NUP210L: variants seen among roughly 807,000 people sequenced by gnomAD.
NUP210L encodes the protein nuclear pore membrane glycoprotein 210-like.
In NUP210L, 74 loss-of-function variants were observed where a neutral mutation model predicts 208.5. That is an observed-to-expected ratio of 0.35 (90% CI 0.29 to 0.43). The LOEUF is 0.43. NUP210L is among the 20% of genes least tolerant of loss of function. The probability of loss-of-function intolerance (pLI) is 1.00; values close to 1 mark genes in which losing one functional copy is unlikely to be tolerated. For synonymous variants in NUP210L, 780 were observed against 816.9 expected (o/e 0.95, Z 0.77); for missense variants, 1,843 against 2,289.4 (o/e 0.81, Z 3.98).
intron 27 of NUP210L, among the ~76,000 whole-genome samples, chr1:154,032,301 A>G (rs1258681167): frequency 2.0e-5 from 3 of 152,086 alleles, no homozygotes; most frequent in African/African-American, 7.2e-5. Flanking sequence ...TAGTGATTGT[A>G]CTAATTTACA....
intron 10 of NUP210L, among the ~76,000 whole-genome samples, chr1:154,120,269 C>T (rs1310105518): frequency 6.6e-6 from 1 of 152,072 alleles, no homozygotes; most frequent in African/African-American, 2.4e-5. Context: ...TGTTTGAGTT[C>T]TTTGTAGATT....
At chr1:154,040,882 C>T (rs1000994058) in intron 27 of NUP210L, among the ~76,000 whole-genome samples, 1 of 151,696 alleles carries the variant, frequency 6.6e-6, no homozygotes, top group Non-Finnish European at 1.5e-5. Context: ...TGAGCCACCG[C>T]GCCCAGCCAG....
At chr1:154,083,121 C>G (rs1053935464) in intron 16 of NUP210L, among the ~76,000 whole-genome samples, 3 of 152,124 alleles carry the variant, frequency 2.0e-5, no homozygotes, top group Non-Finnish European at 4.4e-5. Flanking sequence ...GAAAAGCAAC[C>G]GAGCAGGTTG....
intron 13 of NUP210L, among the ~76,000 whole-genome samples, chr1:154,102,937 T>C (rs1157763714): frequency 6.6e-6 from 1 of 152,130 alleles, no homozygotes; most frequent in Non-Finnish European, 1.5e-5. Context: ...TAAAATCTGA[T>C]ATTGACCTTG....
intron 27 of NUP210L, among the ~76,000 whole-genome samples, chr1:154,038,642 G>A (rs1652696385): frequency 6.6e-6 from 1 of 152,146 alleles, no homozygotes; most frequent in Admixed American, 6.6e-5. Context: ...ACCATGCCCA[G>A]CAGACACAGG....
intron 38 of NUP210L, among the ~76,000 whole-genome samples, chr1:153,994,053 GTT>G (rs1186827233): frequency 6.7e-6 from 1 of 149,790 alleles, no homozygotes; most frequent in Non-Finnish European, 1.5e-5. Context: ...TAATTTTAAA[GTT>G]TTTTTGTAGA....
chr1:154,127,131 AAAGAAG>A (rs970982508), intron 9 of NUP210L, among the ~76,000 whole-genome samples, 174 bp downstream of exon 9: 1 of 151,604 alleles, frequency 6.6e-6, no homozygotes, highest in East Asian at 1.9e-4. Flanking sequence ...AAAAGAAGAA[AAAGAAG>A]AAGAAGAAGA....
chr1:154,078,577 G>A (rs1308672507), intron 16 of NUP210L, among the ~76,000 whole-genome samples: 1 of 148,158 alleles, frequency 6.7e-6, no homozygotes, highest in Non-Finnish European at 1.5e-5. Flanking sequence ...CCTGGGCAAC[G>A]AAGTGAGAAT....
chr1:154,068,913 CATGTATACAT>C (rs1424065714), intron 17 of NUP210L, among the ~76,000 whole-genome samples: 1 of 152,004 alleles, frequency 6.6e-6, no homozygotes. Context: ...CAGCATGGCA[CATGTATACAT>C]ATGTAACTAA....
At chr1:154,018,776 A>G (rs1436878753) in intron 33 of NUP210L, among the ~76,000 whole-genome samples, 157 bp downstream of exon 33, 1 of 152,122 alleles carries the variant, frequency 6.6e-6, no homozygotes, top group Non-Finnish European at 1.5e-5. Flanking sequence ...AGAATCCTGA[A>G]CACTGTTTAG....
chr1:154,012,869 G>C (rs1295776156), intron 33 of NUP210L, among the ~76,000 whole-genome samples: 1 of 151,922 alleles, frequency 6.6e-6, no homozygotes, highest in Admixed American at 6.6e-5. Flanking sequence ...AGCCGGGCTT[G>C]GTGGTGCATG....
intron 23 of NUP210L, among the ~76,000 whole-genome samples, chr1:154,055,582 G>T (rs1432853700): frequency 6.6e-6 from 1 of 152,020 alleles, no homozygotes; most frequent in African/African-American, 2.4e-5. Context: ...TTTTGGCAGA[G>T]ATGGGGTCTC....
chr1:154,013,498 C>T (rs1041940182), intron 33 of NUP210L, among the ~76,000 whole-genome samples: 5 of 151,864 alleles, frequency 3.3e-5, no homozygotes, highest in East Asian at 3.9e-4. Context: ...TGCTTGAACT[C>T]GGGAGGCGGA....
chr1:154,034,705 C>T (rs989785031), intron 27 of NUP210L, among the ~76,000 whole-genome samples: 1 of 152,132 alleles, frequency 6.6e-6, no homozygotes, highest in African/African-American at 2.4e-5. Flanking sequence ...TGGATTTCTT[C>T]ATGGTTAAAT....
chr1:154,004,854 C>CTTTTTT (rs34638973), intron 35 of NUP210L, among the ~76,000 whole-genome samples: 3 of 114,234 alleles, frequency 2.6e-5, no homozygotes, highest in African/African-American at 3.2e-5. Flanking sequence ...TTCTTTCTTT[C>CTTTTTT]TTTTTTTTTT....
intron 12 of NUP210L, among the ~76,000 whole-genome samples, chr1:154,114,584 T>G (rs746105639): frequency 6.6e-6 from 1 of 152,078 alleles, no homozygotes; most frequent in Non-Finnish European, 1.5e-5. Context: ...ACTAAATTCA[T>G]CATCTTTTCC....
chr1:154,054,221 C>A lies in NUP210L; in HGVS notation c.3483+7G>T. On this transcript the variant is annotated splice_region_variant and intron_variant, in intron 25 of 39. Transcript: ENST00000368559. ...AATAGAAGCAGAGCAGAGCAAATAA[C>A]CAATACCTGAGAAAACACAATGACT... is the stretch of plus-strand genomic sequence containing the variant. The A allele has an allele frequency of 6.2e-7, 1 of 1,613,948 alleles. No individual in the cohort carries two copies. The highest frequency in any genetic ancestry group is 8.5e-7 in the Non-Finnish European group (1 of 1,179,856).
chr1:154,054,986 G>A (rs1050777776), intron 23 of NUP210L, among the ~76,000 whole-genome samples, 154 bp from the exon 24 acceptor site: 1 of 151,078 alleles, frequency 6.6e-6, no homozygotes, highest in African/African-American at 2.4e-5. Flanking sequence ...CTGCAGCCTT[G>A]AACTCCTGGG....
chr1:154,140,066 T>G, intron 4 of NUP210L, 114 bp from the exon 5 acceptor site: 1 of 826,432 alleles, frequency 1.2e-6, no homozygotes, highest in Non-Finnish European at 1.9e-6. Context: ...GTAAAACACT[T>G]TTGACTGGGC....
Sources: gnomAD v4.1 joint callset for allele counts (sites outside exome capture counted in the v4.1 genomes callset) on GRCh38, gnomAD v4.1.1 for gene constraint, MANE v1.5 for transcripts, NCBI Gene and HGNC (gene_info 2026-07-23, HGNC 2026-07-21) for gene names.